The following QSER1 variants were observed in gnomAD, a reference collection of about 807,000 sequenced individuals.
QSER1 encodes glutamine and serine rich 1.
QSER1 carries 49 observed loss-of-function variants against 158.5 expected under a neutral mutation model. That is an observed-to-expected ratio of 0.31 (90% CI 0.25 to 0.39). The LOEUF (loss-of-function observed/expected upper bound fraction) is 0.39, where lower values mean the gene tolerates loss of function less well. Ranked by LOEUF, QSER1 falls within the 10% of genes least tolerant of loss-of-function variation. QSER1 has a pLI of 1.00. For synonymous variants in QSER1, 650 were observed against 715.5 expected, an observed-to-expected ratio of 0.91 and a Z score of 1.46; for missense variants, 1,754 against 2,010.3, an observed-to-expected ratio of 0.87 and a Z score of 2.44.
intron 4 of QSER1, 135 bp from the exon 5 acceptor site, chr11:32,953,722 C>A: frequency 2.0e-6 from 2 of 1,014,128 alleles, no homozygotes; most frequent in Non-Finnish European, 2.8e-6. Flanking sequence ...TGTCTAATTT[C>A]TTCCTGTGGT....
At chr11:32,942,714 G>C (rs1374361963) in intron 4 of QSER1, among the ~76,000 whole-genome samples, 1 of 152,126 alleles carries the variant, frequency 6.6e-6, no homozygotes, top group Non-Finnish European at 1.5e-5. Context: ...TTGGCAATGC[G>C]GGCTCTTTTT....
rs1852983848 is a variant in QSER1, at chr11:32,976,678, C to T, written c.*204C>T. The T allele has an allele frequency of 4.0e-6, 2 of 494,538 alleles. No homozygotes were observed. The highest frequency in any genetic ancestry group is 4.1e-5 in the African/African-American group (2 of 48,748). The allele number at this position is 494,538 out of a possible 1,614,324, so 30.6% of individuals were successfully genotyped here. On this transcript the variant is annotated 3_prime_UTR_variant, in exon 13 of 13. Coordinates refer to ENST00000650167, the MANE Select transcript of QSER1 (RefSeq NM_001076786.3). ...CTGGAAATGGACCTAAATCCCACCA[C>T]ATTTTTACCCTAATGAATGATTTTT...
At chr11:32,918,067 C>A (rs1314613432) in intron 1 of QSER1, among the ~76,000 whole-genome samples, 2 of 152,014 alleles carry the variant, frequency 1.3e-5, no homozygotes, top group Non-Finnish European at 2.9e-5. Context: ...ATCCCTAGTC[C>A]TTAACAGGAT....
intron 8 of QSER1, among the ~76,000 whole-genome samples, chr11:32,964,729 TATATATATATACACACACACAC>T (rs1336196022): frequency 1.3e-4 from 15 of 115,084 alleles, no homozygotes; most frequent in Non-Finnish European, 2.4e-4. Flanking sequence ...TATATATATA[TATATATATATACACACACACAC>T]ACACACACAC....
At chr11:32,970,794 A>G (rs570247955) in intron 10 of QSER1, among the ~76,000 whole-genome samples, 158 of 152,262 alleles carry the variant, frequency 1.0e-3, no homozygotes, top group African/African-American at 3.8e-3. Context: ...ACAAGGGAAC[A>G]TTTTTAGATA....
rs779045792 is a variant in QSER1 at position 32,953,961 on chromosome 11, A to C, written c.4282A>C (p.Thr1428Pro). 6.2e-7 allele frequency: 1 copy of C among 1,614,060 alleles called. No individual in the cohort carries two copies. Among genetic ancestry groups the C allele is most frequent in the Admixed American group, 1.7e-5 (1 of 60,004 alleles). ...GAVKQEPLHS[T>P]SYAVNILENI... ...AGTTAAGCAAGAACCTCTCCACTCT[A>C]CTTCATATGCAGTAAATATTCTGGA... is the stretch of plus-strand genomic sequence containing the variant. Residue 1428 changes from threonine to proline, a missense_variant, in exon 5 of 13, where the codon ACT becomes CCT. Physicochemically the swap from Thr to Pro is conservative, Grantham distance 38. This residue lies in a region of QSER1 where 1,707 missense variants were observed against 1,919.6 expected (regional missense o/e 0.89). Coordinates refer to ENST00000650167, the MANE Select transcript of QSER1 (RefSeq NM_001076786.3).
Position 32,931,725 on chromosome 11 carries a change from T to A in QSER1, c.485-18T>A, listed in dbSNP as rs554751195. The A allele has an allele frequency of 6.5e-7, 1 of 1,541,154 alleles. No individual in the cohort carries two copies. The highest frequency in any genetic ancestry group is 2.1e-5 in the Admixed American group (1 of 47,702). ...TGTGCCATAATTACATAAAAATCTTTGTGCCTTTTCTTCATAGGCATGCAT... is the reference window on the plus strand; with the variant it reads ...TGTGCCATAATTACATAAAAATCTTAGTGCCTTTTCTTCATAGGCATGCAT... On this transcript the variant is annotated intron_variant, in intron 3 of 12. Coordinates refer to ENST00000650167, the MANE Select transcript of QSER1 (RefSeq NM_001076786.3).
At chr11:32,963,438 G>A (rs1446800293) in intron 8 of QSER1, among the ~76,000 whole-genome samples, 4 of 151,560 alleles carry the variant, frequency 2.6e-5, no homozygotes, top group South Asian at 2.1e-4. Context: ...TCACTGCACC[G>A]CCTCCCAGGT....
intron 9 of QSER1, 46 bp from the exon 10 acceptor site, chr11:32,969,000 A>C: frequency 9.3e-7 from 1 of 1,078,428 alleles, no homozygotes; most frequent in Non-Finnish European, 1.3e-6. Context: ...TTTTTTCAAA[A>C]ATATTTATTG....
intron 1 of QSER1, among the ~76,000 whole-genome samples, chr11:32,925,538 A>ATTTATTTT (rs1213901860): frequency 4.3e-5 from 6 of 140,884 alleles, no homozygotes; most frequent in Non-Finnish European, 7.8e-5. Flanking sequence ...TTATTTATTT[A>ATTTATTTT]TTTTTTGCAG....
intron 1 of QSER1, among the ~76,000 whole-genome samples, chr11:32,910,636 T>C (rs982574459): frequency 3.3e-5 from 5 of 152,202 alleles, no homozygotes; most frequent in African/African-American, 9.7e-5. Flanking sequence ...AAGTTGAAAT[T>C]TTCCCTTGAA....
At chr11:32,900,753 A>C (rs1445755763) in intron 1 of QSER1, among the ~76,000 whole-genome samples, 1 of 152,010 alleles carries the variant, frequency 6.6e-6, no homozygotes, top group African/African-American at 2.4e-5. Flanking sequence ...TCTTTAACTG[A>C]AGTTTTCTTT....
Position 32,953,964 on chromosome 11 carries a change from T to G in QSER1, c.4285T>G (p.Ser1429Ala). 1 of 1,614,124 alleles carries G rather than the reference T, an allele frequency of 6.2e-7. No homozygotes were observed. The highest frequency in any genetic ancestry group is 8.5e-7 in the Non-Finnish European group (1 of 1,179,996). The change falls in exon 5 of 13, where the codon TCA becomes GCA. Residue 1429 changes from serine (S) to alanine (A), a missense_variant. Physicochemically the swap from Ser to Ala is moderately conservative, Grantham distance 99. This residue lies in a region of QSER1 where 1,707 missense variants were observed against 1,919.6 expected (regional missense o/e 0.89). Coordinates refer to ENST00000650167, the MANE Select transcript of QSER1 (RefSeq NM_001076786.3). ...TAAGCAAGAACCTCTCCACTCTACT[T>G]CATATGCAGTAAATATTCTGGAAAA... ...AVKQEPLHSTSYAVNILENIS... is the reference protein window; with the variant it reads ...AVKQEPLHSTAYAVNILENIS...
In QSER1 at chr11:32,933,715, G is replaced by C; in HGVS notation, c.2457G>C (p.Lys819Asn). ...HPLILKVHESKVQEQHDQIIN... is the reference protein window; with the variant it reads ...HPLILKVHESNVQEQHDQIIN... ...TCATACTTAAGGTGCATGAGTCCAA[G>C]GTCCAGGAACAGCACGATCAAATAA... Residue 819 changes from lysine (K) to asparagine (N), a missense_variant, in exon 4 of 13, where the codon AAG (lysine) becomes AAC (asparagine). Coordinates refer to ENST00000650167, the MANE Select transcript of QSER1 (RefSeq NM_001076786.3). 1.9e-6 allele frequency: 3 copies of C among 1,613,962 alleles called. No homozygotes were observed. The highest frequency in any genetic ancestry group is 1.7e-6 in the Non-Finnish European group (2 of 1,179,944).
chr11:32,915,582 C>T (rs747004417), intron 1 of QSER1, among the ~76,000 whole-genome samples: 1 of 152,126 alleles, frequency 6.6e-6, no homozygotes, highest in African/African-American at 2.4e-5. Flanking sequence ...CTGGTCCAAA[C>T]GTGGAATTAC....
chr11:32,941,061 C>T (rs1406210721), intron 4 of QSER1, among the ~76,000 whole-genome samples: 1 of 151,688 alleles, frequency 6.6e-6, no homozygotes, highest in Non-Finnish European at 1.5e-5. Context: ...CTTCTTTGCA[C>T]CACACTTTGA....
chr11:32,952,468 T>A (rs575153812), intron 4 of QSER1, among the ~76,000 whole-genome samples: 1 of 137,198 alleles, frequency 7.3e-6, no homozygotes, highest in South Asian at 2.2e-4. Context: ...TCCCACGTGG[T>A]CATATTGTAT....
intron 4 of QSER1, among the ~76,000 whole-genome samples, chr11:32,943,037 CTGTT>C (rs1852267281): frequency 6.6e-6 from 1 of 151,162 alleles, no homozygotes; most frequent in Admixed American, 6.6e-5. Context: ...CTCTGTTTGT[CTGTT>C]GTTGGTGTAT....
intron 1 of QSER1, among the ~76,000 whole-genome samples, chr11:32,899,391 GCTA>G (rs1851597444): frequency 6.6e-6 from 1 of 152,182 alleles, no homozygotes; most frequent in South Asian, 2.1e-4. Context: ...GGGGATATGG[GCTA>G]CTACTTGTTT....
Sources: allele counts gnomAD v4.1 joint callset (sites outside exome capture counted in the v4.1 genomes callset), GRCh38; gene constraint gnomAD v4.1.1; regional missense constraint gnomAD v4.1.1; transcripts MANE v1.5; gene names NCBI Gene and HGNC (gene_info 2026-07-23, HGNC 2026-07-21).